Variants in C2orf92 observed in about 807,000 individuals in gnomAD.
C2orf92 encodes uncharacterized protein C2orf92.
intron 5 of C2orf92, among the ~76,000 whole-genome samples, chr2:97,695,698 T>C (rs1415519562): frequency 2.0e-5 from 3 of 152,256 alleles, no homozygotes; most frequent in Non-Finnish European, 4.4e-5. Context: ...TTATTTTTCC[T>C]TCAGGAGAAG....
chr2:97,686,131 A>C (rs1255062681), intron 3 of C2orf92, among the ~76,000 whole-genome samples: 4 of 152,272 alleles, frequency 2.6e-5, no homozygotes, highest in African/African-American at 9.6e-5. Flanking sequence ...GGTGGAAAGC[A>C]GAAATGCCAT....
In C2orf92 at chr2:97,693,885, A is replaced by G. The variant is rs1395366439; in HGVS notation, c.403+3558A>G. 2.0e-5 allele frequency among the ~76,000 whole-genome samples: 3 copies of G among 152,310 alleles called. No homozygotes were observed. The East Asian group carries it at 5.8e-4, about 29-fold the overall frequency. On this transcript the variant is annotated intron_variant, in intron 5 of 7. Transcript: ENST00000627399. ...GTTTCTCCATTTGTATTCTTTTTCA[A>G]TTTTTAAAAATTATTATACAATACA...
chr2:97,667,455 T>C (rs1228902019), upstream of C2orf92, among the ~76,000 whole-genome samples: 4 of 135,836 alleles, frequency 2.9e-5, no homozygotes, highest in Non-Finnish European at 3.2e-5. Context: ...TTTTTTGAGA[T>C]GGAGTCTCAC....
intron 3 of C2orf92, among the ~76,000 whole-genome samples, chr2:97,679,174 G>GA (rs55749123): frequency 0.47 from 70,027 of 147,668 alleles, 19,555 homozygotes; most frequent in Non-Finnish European, 0.64. Context: ...CTTGACATAA[G>GA]AAAAAAAAAA....
At chr2:97,670,507 G>A (rs1014837499) in intron 1 of C2orf92, 1 of 151,130 alleles carries the variant, frequency 6.6e-6, no homozygotes, top group Admixed American at 6.6e-5. Context: ...AAAAAAATTA[G>A]TAATAACTTT....
chr2:97,697,784 G>C (rs1676358277), intron 5 of C2orf92: 1 of 152,098 alleles, frequency 6.6e-6, no homozygotes, highest in Admixed American at 6.6e-5. Context: ...CTGGAGTGCA[G>C]AGGTGTGATT....
intron 5 of C2orf92, chr2:97,698,039 A>G (rs1473325573): frequency 1.3e-5 from 2 of 151,854 alleles, no homozygotes; most frequent in African/African-American, 4.8e-5. Context: ...CCCCGCCCCC[A>G]CTTCCAGCTC....
chr2:97,672,039 G>C lies in C2orf92; in HGVS notation c.46+2205G>C, dbSNP rs565259418. On this transcript the variant is annotated intron_variant, in intron 1 of 7. Coordinates refer to ENST00000627399, the MANE Select transcript of C2orf92 (RefSeq NM_001351368.2). ...AACATGTGAGAAAAACTAAGGCCCA[G>C]GGAAGTCTTTAGCAGAGAGCTGAGA... is the stretch of plus-strand genomic sequence containing the variant. Among the ~76,000 whole-genome samples, 102 of 152,320 alleles carry C rather than the reference G, an allele frequency of 6.7e-4. 1 individual carries two copies. The highest frequency in any genetic ancestry group is 2.3e-3 in the African/African-American group (95 of 41,570).
At chr2:97,684,344 A>G (rs1675882150) in intron 3 of C2orf92, among the ~76,000 whole-genome samples, 1 of 152,046 alleles carries the variant, frequency 6.6e-6, no homozygotes, top group Admixed American at 6.6e-5. Context: ...CAGTCAATTG[A>G]TTTTCAACAA....
intron 7 of C2orf92, among the ~76,000 whole-genome samples, chr2:97,701,543 T>C (rs1185728627): frequency 6.6e-6 from 1 of 152,192 alleles, no homozygotes; most frequent in Non-Finnish European, 1.5e-5. Context: ...TGGGCCAGGG[T>C]TGCCTCTCAA....
upstream of C2orf92, chr2:97,664,792 C>G (rs1348398169): frequency 6.6e-6 from 1 of 152,150 alleles, no homozygotes; most frequent in African/African-American, 2.4e-5. Context: ...CCGGGCTAGC[C>G]TCGAACTCCT....
intron 5 of C2orf92, among the ~76,000 whole-genome samples, chr2:97,693,800 T>C (rs548481419): frequency 6.6e-6 from 1 of 152,356 alleles, no homozygotes; most frequent in African/African-American, 2.4e-5. Context: ...CAGGTCTTTG[T>C]ATAGATATGT....
chr2:97,694,598 T>C (rs893231915), intron 5 of C2orf92: 3 of 152,086 alleles, frequency 2.0e-5, no homozygotes, highest in African/African-American at 7.2e-5. Context: ...TAATATTCCA[T>C]TGTATGTATC....
intron 3 of C2orf92, among the ~76,000 whole-genome samples, chr2:97,677,085 G>A (rs1325666202): frequency 6.6e-6 from 1 of 152,196 alleles, no homozygotes; most frequent in Non-Finnish European, 1.5e-5. Flanking sequence ...TGATGAAGAG[G>A]CTGCCGAATT....
chr2:97,673,068 CAA>C (rs1314370665), intron 1 of C2orf92, among the ~76,000 whole-genome samples: 8 of 152,212 alleles, frequency 5.3e-5, no homozygotes, highest in South Asian at 4.1e-4. Flanking sequence ...GCTTTATAAA[CAA>C]AGAGATTTCC....
chr2:97,667,430 GT>G (rs1203203673), upstream of C2orf92, among the ~76,000 whole-genome samples: 207 of 118,806 alleles, frequency 1.7e-3, 1 homozygote, highest in African/African-American at 4.1e-3. Flanking sequence ...GCCCAGCTAA[GT>G]TTTTTTTTTT....
At chr2:97,691,345 G>A (rs1463571263) in intron 5 of C2orf92, among the ~76,000 whole-genome samples, 2 of 152,250 alleles carry the variant, frequency 1.3e-5, no homozygotes, top group East Asian at 1.9e-4. Flanking sequence ...TCCTTCCCCC[G>A]CTGGGGTGGT....
At chr2:97,687,228 G>T (rs926016793) in intron 3 of C2orf92, among the ~76,000 whole-genome samples, 11 of 152,104 alleles carry the variant, frequency 7.2e-5, no homozygotes, top group African/African-American at 2.4e-4. Context: ...AGCCGGATGT[G>T]TGGTGACACA....
At chr2:97,700,544 G>A (rs529902459) in intron 6 of C2orf92, among the ~76,000 whole-genome samples, 1 of 152,124 alleles carries the variant, frequency 6.6e-6, no homozygotes, top group African/African-American at 2.4e-5. Context: ...AATTGTCTGT[G>A]GAACTTTCTT....
Sources: gnomAD v4.1 joint callset for allele counts (sites outside exome capture counted in the v4.1 genomes callset) on GRCh38, gnomAD v4.1.1 for gene constraint, MANE v1.5 for transcripts, NCBI Gene and HGNC (gene_info 2026-07-23, HGNC 2026-07-21) for gene names.